SCTR: variants seen among roughly 807,000 people sequenced by gnomAD.
SCTR encodes secretin receptor.
In SCTR, 56 loss-of-function variants were observed where a neutral mutation model predicts 60.8. The ratio of observed to expected loss-of-function variants is 0.92; its 90% CI spans 0.74 to 1.15. The LOEUF (loss-of-function observed/expected upper bound fraction) is 1.15. Ranked by LOEUF, SCTR falls within the 50% of genes most tolerant of loss-of-function variation. SCTR has a pLI of 0.00. For missense variants in SCTR, 562 were observed against 550.4 expected (o/e 1.02, Z -0.21); for synonymous variants, 202 against 217.0 (o/e 0.93, Z 0.61).
chr2:119,517,634 A>C (rs1679156368), intron 1 of SCTR, among the ~76,000 whole-genome samples: 1 of 152,212 alleles, frequency 6.6e-6, no homozygotes, highest in South Asian at 2.1e-4. Flanking sequence ...GCTGGCCACC[A>C]GGGGGCAGAG....
At chr2:119,514,108 A>G (rs1573928508) in intron 1 of SCTR, among the ~76,000 whole-genome samples, 1 of 152,122 alleles carries the variant, frequency 6.6e-6, no homozygotes, top group East Asian at 1.9e-4. Context: ...TTGCTTGACA[A>G]TTCTATGATG....
At chr2:119,449,944 AGAAGGAAG>A in intron 9 of SCTR, among the ~76,000 whole-genome samples, 1 of 133,046 alleles carries the variant, frequency 7.5e-6, no homozygotes, top group African/African-American at 2.8e-5. Flanking sequence ...GACAAAAAAA[AGAAGGAAG>A]GAAGGAAGGA....
intron 2 of SCTR, among the ~76,000 whole-genome samples, chr2:119,483,735 C>T (rs1163454909): frequency 6.6e-6 from 1 of 152,158 alleles, no homozygotes; most frequent in Non-Finnish European, 1.5e-5. Context: ...TAGGATGAGG[C>T]TAAGTTTTTT....
intron 1 of SCTR, among the ~76,000 whole-genome samples, chr2:119,515,484 G>T (rs1444281105): frequency 6.6e-6 from 1 of 152,212 alleles, no homozygotes; most frequent in Non-Finnish European, 1.5e-5. Flanking sequence ...GAGTGAGGAA[G>T]ATCTGCTTCA....
chr2:119,504,547 C>T (rs554737165), intron 1 of SCTR, among the ~76,000 whole-genome samples: 11 of 151,970 alleles, frequency 7.2e-5, no homozygotes, highest in East Asian at 3.9e-4. Context: ...GCTAAGATTG[C>T]GCCACAACAC....
intron 2 of SCTR, 70 bp downstream of exon 2, chr2:119,494,358 T>TC: frequency 4.5e-6 from 7 of 1,545,678 alleles, no homozygotes; most frequent in Non-Finnish European, 6.2e-6. Context: ...CAGGATAAGC[T>TC]CCCCCTGCCC....
chr2:119,484,288 C>T (rs1019136454), intron 2 of SCTR, among the ~76,000 whole-genome samples: 26 of 152,288 alleles, frequency 1.7e-4, no homozygotes, highest in African/African-American at 4.6e-4. Context: ...GGGCTTCCCA[C>T]GCCTCTGTCG....
At chr2:119,471,895 G>A (rs1259198835) in intron 4 of SCTR, among the ~76,000 whole-genome samples, 2 of 152,128 alleles carry the variant, frequency 1.3e-5, no homozygotes, top group African/African-American at 4.8e-5. Flanking sequence ...GCAAAGTGAG[G>A]AAAACAATGA....
intron 4 of SCTR, among the ~76,000 whole-genome samples, chr2:119,468,196 C>G (rs1035613988): frequency 6.6e-6 from 1 of 152,094 alleles, no homozygotes; most frequent in African/African-American, 2.4e-5. Context: ...AATTTTTCCA[C>G]AGTGGATAAG....
chr2:119,477,601 C>T (rs1046159753), intron 3 of SCTR, among the ~76,000 whole-genome samples: 2 of 152,120 alleles, frequency 1.3e-5, no homozygotes, highest in Admixed American at 1.3e-4. Context: ...CAGGTGTGCA[C>T]CACCACGCCT....
chr2:119,489,952 C>T (rs1399427397), intron 2 of SCTR, among the ~76,000 whole-genome samples: 1 of 152,228 alleles, frequency 6.6e-6, no homozygotes, highest in Non-Finnish European at 1.5e-5. Context: ...AGAGACTCCG[C>T]ATTCTAGGCC....
At chr2:119,485,127 G>A (rs13430849) in intron 2 of SCTR, among the ~76,000 whole-genome samples, 18,194 of 152,294 alleles carry the variant, frequency 0.12, 2,586 homozygotes, top group African/African-American at 0.34. Context: ...CCCCCTGAAC[G>A]TGGTGGTGCT....
At chr2:119,524,007 A>T in intron 1 of SCTR, 148 bp downstream of exon 1, 1 of 647,888 alleles carries the variant, frequency 1.5e-6, no homozygotes, top group Non-Finnish European at 2.7e-6. Flanking sequence ...GGGAGAGATT[A>T]ATGTTGGGAG....
intron 11 of SCTR, among the ~76,000 whole-genome samples, chr2:119,445,876 C>T (rs1488323457): frequency 1.3e-5 from 2 of 152,234 alleles, no homozygotes; most frequent in African/African-American, 4.8e-5. Flanking sequence ...TTCTGTGTAG[C>T]AACCCAACCA....
intron 1 of SCTR, among the ~76,000 whole-genome samples, chr2:119,510,644 G>A (rs1260466907): frequency 2.0e-5 from 3 of 151,758 alleles, no homozygotes; most frequent in Non-Finnish European, 4.4e-5. Flanking sequence ...ATTCACAGGA[G>A]GGACAAATGA....
intron 1 of SCTR, among the ~76,000 whole-genome samples, chr2:119,505,468 A>G: frequency 6.6e-6 from 1 of 151,376 alleles, no homozygotes; most frequent in East Asian, 1.9e-4. Flanking sequence ...AATTTAAAGT[A>G]TAATAAAAAA....
At chr2:119,441,459 C>T in intron 12 of SCTR, 99 bp downstream of exon 12, 2 of 944,978 alleles carry the variant, frequency 2.1e-6, no homozygotes, top group African/African-American at 1.6e-5. Flanking sequence ...TGACCCTTTC[C>T]ATCCCCCTTC....
chr2:119,489,343 C>G (rs1248334401), intron 2 of SCTR, among the ~76,000 whole-genome samples: 1 of 152,168 alleles, frequency 6.6e-6, no homozygotes, highest in Non-Finnish European at 1.5e-5. Context: ...TTGGGGCCAG[C>G]TGTCTTTTGT....
chr2:119,466,461 C>T (rs1366778386), intron 4 of SCTR, among the ~76,000 whole-genome samples: 1 of 152,060 alleles, frequency 6.6e-6, no homozygotes, highest in Non-Finnish European at 1.5e-5. Context: ...TCAAATATTC[C>T]CTGTGTCAGG....
Sources: gnomAD v4.1 joint callset for allele counts (sites outside exome capture counted in the v4.1 genomes callset) on GRCh38, gnomAD v4.1.1 for gene constraint, MANE v1.5 for transcripts, NCBI Gene and HGNC (gene_info 2026-07-23, HGNC 2026-07-21) for gene names.